Variants in USP24 observed in about 807,000 individuals in gnomAD.
The protein encoded by USP24 is ubiquitin carboxyl-terminal hydrolase 24.
A neutral mutation model predicts 361.6 loss-of-function variants in USP24; 97 were observed. The observed-to-expected ratio is 0.27, with a 90% confidence interval of 0.23 to 0.32. The LOEUF (loss-of-function observed/expected upper bound fraction) is 0.32, where lower values mean the gene tolerates loss of function less well. USP24 is among the 10% of genes least tolerant of loss of function. The probability of loss-of-function intolerance (pLI) is 1.00; values close to 1 mark genes in which losing one functional copy is unlikely to be tolerated. For synonymous variants in USP24, 1,098 were observed against 1,124.6 expected, an observed-to-expected ratio of 0.98 and a Z score of 0.47; for missense variants, 2,353 against 3,165.6, an observed-to-expected ratio of 0.74 and a Z score of 6.16.
chr1:55,148,985 C>T (rs945950013), intron 16 of USP24, among the ~76,000 whole-genome samples: 1 of 152,166 alleles, frequency 6.6e-6, no homozygotes, highest in Non-Finnish European at 1.5e-5. Flanking sequence ...ATATTGCTTT[C>T]TATGATTATA....
At chr1:55,086,652 A>G (rs1201129812) in intron 55 of USP24, among the ~76,000 whole-genome samples, 5 of 152,262 alleles carry the variant, frequency 3.3e-5, no homozygotes, top group Admixed American at 2.0e-4. Flanking sequence ...TGTTGGTGTG[A>G]TAACAGTAAA....
Position 55,123,438 on chromosome 1 carries a change from C to T in USP24, c.4276+9G>A. The T allele has an allele frequency of 6.4e-7, 1 of 1,571,884 alleles. No homozygotes were observed. On this transcript the variant is annotated intron_variant, in intron 36 of 67. Coordinates refer to ENST00000294383, the MANE Select transcript of USP24 (RefSeq NM_015306.3). ...AAAGAGATTAATCACAAACAAGCCT[C>T]CAGCATACCCAGTTGCTGGCTCCGA...
At chr1:55,100,360 G>A (rs1645601673) in intron 44 of USP24, among the ~76,000 whole-genome samples, 3 of 152,126 alleles carry the variant, frequency 2.0e-5, no homozygotes, top group African/African-American at 7.2e-5. Context: ...GCCGGGCATG[G>A]GGGTGCATGC....
chr1:55,114,544 T>A (rs1448223942), intron 38 of USP24, among the ~76,000 whole-genome samples: 1 of 152,018 alleles, frequency 6.6e-6, no homozygotes, highest in Non-Finnish European at 1.5e-5. Flanking sequence ...AAAACAGATA[T>A]ACAGACCAAT....
rs779465115 is a variant in USP24, at chr1:55,099,885, T to G, written c.5272-16A>C. On this transcript the variant is annotated splice_polypyrimidine_tract_variant and intron_variant, in intron 44 of 67. Coordinates refer to ENST00000294383, the MANE Select transcript of USP24 (RefSeq NM_015306.3). The stretch of plus-strand genomic sequence containing the variant: ...TCTTGAAAATCTATATAACAAAAAT[T>G]AAATGTTTTTAAAGGAAAAGTAGCA... 117 of 1,524,918 alleles carry G rather than the reference T, an allele frequency of 7.7e-5. No homozygotes were observed. Among genetic ancestry groups the G allele is most frequent in the Non-Finnish European group, 5.9e-5 (67 of 1,129,838 alleles). 94.5% of individuals were successfully genotyped at this position (1,524,918 alleles called of 1,614,324 possible).
chr1:55,170,489 T>C (rs1321315422), intron 5 of USP24, among the ~76,000 whole-genome samples: 2 of 152,164 alleles, frequency 1.3e-5, no homozygotes, highest in African/African-American at 4.8e-5. Context: ...TGCATATGGT[T>C]AAAGAACATA....
intron 67 of USP24, among the ~76,000 whole-genome samples, chr1:55,069,924 G>A (rs561670480): frequency 1.3e-5 from 2 of 150,002 alleles, no homozygotes; most frequent in Non-Finnish European, 3.0e-5. Context: ...GTGGGGAGGT[G>A]CGCAGGTGCT....
At chr1:55,153,846 T>C in intron 16 of USP24, 24 bp downstream of exon 16, 1 of 1,547,252 alleles carries the variant, frequency 6.5e-7, no homozygotes, top group East Asian at 2.4e-5. Context: ...TACCTTTTAG[T>C]TGGTTCCATC....
chr1:55,201,783 C>G (rs1644582538), intron 1 of USP24, among the ~76,000 whole-genome samples: 3 of 152,040 alleles, frequency 2.0e-5, no homozygotes, highest in Admixed American at 2.0e-4. Flanking sequence ...TGCAAGGCAT[C>G]AAGTTCTAAC....
intron 1 of USP24, among the ~76,000 whole-genome samples, chr1:55,197,115 T>C (rs1644440179): frequency 6.6e-6 from 1 of 152,178 alleles, no homozygotes; most frequent in African/African-American, 2.4e-5. Context: ...CCACCCCTAG[T>C]TTAGAATGCC....
At chr1:55,072,914 G>C in intron 64 of USP24, 53 bp from the exon 65 acceptor site, 1 of 1,511,750 alleles carries the variant, frequency 6.6e-7, no homozygotes, top group Admixed American at 2.1e-5. Context: ...CTTGTTCCTA[G>C]TGCTTCATTT....
intron 1 of USP24, among the ~76,000 whole-genome samples, chr1:55,181,042 C>A (rs1220340310): frequency 1.3e-5 from 2 of 150,276 alleles, no homozygotes; most frequent in African/African-American, 4.9e-5. Context: ...AATACGCACA[C>A]TAGTTTGTAT....
In USP24 at chr1:55,144,627, A is replaced by G. The variant is rs144636305; in HGVS notation, c.2363-424T>C. ...TGCTTAATATAATTAGTCACCAGAG[A>G]AGTGCACATTAAAACCATTAGATTT... On this transcript the variant is annotated intron_variant, in intron 20 of 67. Transcript: ENST00000294383. Among the ~76,000 whole-genome samples, 934 of 152,294 alleles carry G rather than the reference A, an allele frequency of 6.1e-3. 2 individuals are homozygous for G. The highest frequency in any genetic ancestry group is 9.4e-3 in the Non-Finnish European group (638 of 68,018).
intron 12 of USP24, 78 bp from the exon 13 acceptor site, chr1:55,154,856 A>C: frequency 9.8e-7 from 1 of 1,018,138 alleles, no homozygotes; most frequent in Non-Finnish European, 1.5e-6. Flanking sequence ...CAACTTACAG[A>C]AGCACAAGCA....
chr1:55,072,499 C>A, intron 65 of USP24, 96 bp from the exon 66 acceptor site: 1 of 1,032,878 alleles, frequency 9.7e-7, no homozygotes, highest in Non-Finnish European at 1.4e-6. Context: ...AAAAGCATCC[C>A]AAGTAGGGTA....
At chr1:55,108,014 G>C (rs1645839810) in intron 39 of USP24, among the ~76,000 whole-genome samples, 1 of 152,066 alleles carries the variant, frequency 6.6e-6, no homozygotes, top group African/African-American at 2.4e-5. Flanking sequence ...TATAAGATGA[G>C]GGAGACAAAT....
intron 38 of USP24, among the ~76,000 whole-genome samples, chr1:55,117,094 T>C (rs1646137457): frequency 1.3e-5 from 2 of 152,138 alleles, no homozygotes; most frequent in African/African-American, 2.4e-5. Context: ...CACATGATTA[T>C]CTCAATCAAA....
At chr1:55,209,771 C>G (rs1644805768) in intron 1 of USP24, among the ~76,000 whole-genome samples, 1 of 152,022 alleles carries the variant, frequency 6.6e-6, no homozygotes. Context: ...CTTCTTATTT[C>G]TCTCTGTGGT....
At chr1:55,122,198 T>C (rs1646301308) in intron 36 of USP24, among the ~76,000 whole-genome samples, 1 of 151,806 alleles carries the variant, frequency 6.6e-6, no homozygotes, top group Non-Finnish European at 1.5e-5. Flanking sequence ...AGGTAAGGAG[T>C]CTGGGCAGTG....
Sources: gnomAD v4.1 joint callset for allele counts (sites outside exome capture counted in the v4.1 genomes callset) on GRCh38, gnomAD v4.1.1 for gene constraint, MANE v1.5 for transcripts, NCBI Gene and HGNC (gene_info 2026-07-23, HGNC 2026-07-21) for gene names.